ANKIB1: variants seen among roughly 807,000 people sequenced by gnomAD.
ANKIB1 encodes the protein ankyrin repeat and IBR domain-containing protein 1.
ANKIB1 carries 43 observed loss-of-function variants against 122.1 expected under a neutral mutation model. That is an observed-to-expected ratio of 0.35 (90% CI 0.28 to 0.45). The LOEUF (loss-of-function observed/expected upper bound fraction) is 0.45, where lower values mean the gene tolerates loss of function less well. Among genes scored for constraint, ANKIB1 ranks in the 20% least tolerant of loss-of-function variants. The pLI is 1.00. For missense variants in ANKIB1, 992 were observed against 1,329.5 expected (o/e 0.75, Z 3.95); for synonymous variants, 390 against 442.0 (o/e 0.88, Z 1.48).
chr7:92,372,127 C>T (rs1368122236), intron 11 of ANKIB1, among the ~76,000 whole-genome samples: 3 of 152,030 alleles, frequency 2.0e-5, no homozygotes, highest in African/African-American at 7.2e-5. Context: ...TATACTGTCT[C>T]CATACAATTG....
At position 92,290,954 on chromosome 7, in the gene ANKIB1, C is replaced by G. The variant is rs150480332; in HGVS notation, c.-90-3935C>G. Reference sequence around the variant, plus strand: ...AAGAATGACTAAGATCTTGCTATCACAGTAGAGTGATTATAGAATTTATTG... The same window carrying G: ...AAGAATGACTAAGATCTTGCTATCAGAGTAGAGTGATTATAGAATTTATTG... On this transcript the variant is annotated intron_variant, in intron 1 of 19. Transcript: ENST00000265742. 1.4e-3 allele frequency among the ~76,000 whole-genome samples: 216 copies of G among 152,222 alleles called. 4 individuals are homozygous for G. In the East Asian group the frequency reaches 0.038, roughly 27 times the overall value.
At chr7:92,342,368 G>C (rs2131975078) in intron 5 of ANKIB1, among the ~76,000 whole-genome samples, 1 of 152,162 alleles carries the variant, frequency 6.6e-6, no homozygotes, top group African/African-American at 2.4e-5. Flanking sequence ...GTTTTTAAAG[G>C]GTTAGGTTTT....
At chr7:92,380,610 C>A (rs1804491272) in intron 11 of ANKIB1, among the ~76,000 whole-genome samples, 1 of 152,160 alleles carries the variant, frequency 6.6e-6, no homozygotes, top group Non-Finnish European at 1.5e-5. Context: ...GACACCCAGG[C>A]AAATAGGGTC....
intron 1 of ANKIB1, among the ~76,000 whole-genome samples, chr7:92,255,765 G>A (rs994329522): frequency 6.6e-6 from 1 of 151,984 alleles, no homozygotes; most frequent in African/African-American, 2.4e-5. Context: ...AACCTATTGG[G>A]CTGTCATGTT....
intron 17 of ANKIB1, among the ~76,000 whole-genome samples, chr7:92,393,079 AG>A (rs1804819955): frequency 6.6e-6 from 1 of 152,066 alleles, no homozygotes. Flanking sequence ...AATTTTTGGA[AG>A]GGTACAGAAC....
intron 1 of ANKIB1, among the ~76,000 whole-genome samples, chr7:92,275,088 A>G (rs765339501): frequency 2.6e-5 from 4 of 152,100 alleles, no homozygotes; most frequent in Non-Finnish European, 5.9e-5. Context: ...TGCTTACTCA[A>G]TTTAGCTTTG....
At chr7:92,249,041 C>T (rs1052968464) in intron 1 of ANKIB1, among the ~76,000 whole-genome samples, 4 of 151,988 alleles carry the variant, frequency 2.6e-5, no homozygotes, top group African/African-American at 9.7e-5. Context: ...GTGCCCGCCA[C>T]CACACCCGGC....
At chr7:92,247,060 C>G (rs1024961515) in intron 1 of ANKIB1, among the ~76,000 whole-genome samples, 1 of 152,138 alleles carries the variant, frequency 6.6e-6, no homozygotes, top group Non-Finnish European at 1.5e-5. Context: ...TTTTTCTGTA[C>G]GTAGCTGTTT....
chr7:92,365,140 C>A (rs1198441269), intron 10 of ANKIB1, among the ~76,000 whole-genome samples: 2 of 151,958 alleles, frequency 1.3e-5, no homozygotes, highest in Admixed American at 6.6e-5. Flanking sequence ...AAGTAAATGC[C>A]CTCTATGCTC....
At chr7:92,330,547 A>G (rs935881831) in intron 5 of ANKIB1, among the ~76,000 whole-genome samples, 5 of 152,150 alleles carry the variant, frequency 3.3e-5, no homozygotes, top group African/African-American at 1.2e-4. Context: ...AGTTTTTAAA[A>G]ACAAAATATT....
intron 7 of ANKIB1, 126 bp from the exon 8 acceptor site, chr7:92,350,824 T>G: frequency 1.1e-6 from 1 of 942,638 alleles, no homozygotes; most frequent in East Asian, 2.7e-5. Context: ...GCCACTGCAC[T>G]CCAACCTGAG....
intron 3 of ANKIB1, among the ~76,000 whole-genome samples, chr7:92,311,790 A>G (rs1483818490): frequency 1.3e-5 from 2 of 152,018 alleles, no homozygotes; most frequent in African/African-American, 4.8e-5. Flanking sequence ...GGCAACCTCC[A>G]GGTGTGAAGG....
At position 92,387,981 on chromosome 7, in the gene ANKIB1, C is replaced by CA. The variant is rs1804696590; in HGVS notation, c.1848dup (p.Arg617ThrfsTer4). On this transcript the variant is annotated frameshift_variant, in exon 14 of 20. Coordinates refer to ENST00000265742, the MANE Select transcript of ANKIB1 (RefSeq NM_019004.2). LOFTEE classifies it high-confidence loss of function. ...TTTATTTCTATTCCTTTAGCTAGAA[C>CA]AACGCCTTCTTAAAACAGCCAAAGA... 6.3e-7 allele frequency: 1 copy of CA among 1,586,188 alleles called. No individual in the cohort carries two copies. Among genetic ancestry groups the CA allele is most frequent in the Non-Finnish European group, 8.6e-7 (1 of 1,165,190 alleles).
At chr7:92,376,127 G>A (rs2115656586) in intron 11 of ANKIB1, among the ~76,000 whole-genome samples, 1 of 152,340 alleles carries the variant, frequency 6.6e-6, no homozygotes, top group South Asian at 2.1e-4. Context: ...CACAGGCAGA[G>A]TAGATTTAGC....
intron 1 of ANKIB1, among the ~76,000 whole-genome samples, chr7:92,271,248 T>C (rs924372297): frequency 6.6e-6 from 1 of 152,168 alleles, no homozygotes; most frequent in Non-Finnish European, 1.5e-5. Flanking sequence ...TTGCTTTTGC[T>C]CCATTGTCAA....
At position 92,324,576 on chromosome 7, in the gene ANKIB1, T is replaced by C. The variant is rs188487938; in HGVS notation, c.670-3207T>C. ...ACATCAATGCTTTCTTTAAAACTTA[T>C]ATTTGTACCTTCTACTTTGACCCTG... On this transcript the variant is annotated intron_variant, in intron 4 of 19. Transcript: ENST00000265742. 4.5e-3 allele frequency among the ~76,000 whole-genome samples: 678 copies of C among 152,326 alleles called. 10 individuals carry two copies. The highest frequency in any genetic ancestry group is 3.5e-3 in the Non-Finnish European group (238 of 68,012).
intron 11 of ANKIB1, among the ~76,000 whole-genome samples, chr7:92,383,837 G>A (rs536518988): frequency 1.3e-5 from 2 of 152,198 alleles, no homozygotes; most frequent in Admixed American, 6.5e-5. Flanking sequence ...GCACAAGACA[G>A]GGATGCCCTC....
At chr7:92,340,595 A>G (rs1246138318) in intron 5 of ANKIB1, among the ~76,000 whole-genome samples, 1 of 151,034 alleles carries the variant, frequency 6.6e-6, no homozygotes, top group African/African-American at 2.4e-5. Context: ...CTAAGGACAG[A>G]GAAAAACCTC....
At chr7:92,301,765 T>C (rs1307299603) in intron 2 of ANKIB1, among the ~76,000 whole-genome samples, 1 of 152,160 alleles carries the variant, frequency 6.6e-6, no homozygotes, top group Non-Finnish European at 1.5e-5. Context: ...TTAAGTAAAA[T>C]AACTTTTATT....
Sources: allele counts gnomAD v4.1 joint callset (sites outside exome capture counted in the v4.1 genomes callset), GRCh38; gene constraint gnomAD v4.1.1; transcripts MANE v1.5; gene names NCBI Gene and HGNC (gene_info 2026-07-23, HGNC 2026-07-21).